CIT: variants seen among roughly 807,000 people sequenced by gnomAD.
CIT encodes citron Rho-interacting kinase.
A neutral mutation model predicts 272.7 loss-of-function variants in CIT; 79 were observed. The observed-to-expected ratio is 0.29, with a 90% confidence interval of 0.24 to 0.35. CIT has a LOEUF of 0.35. Ranked by LOEUF, CIT falls within the 10% of genes least tolerant of loss-of-function variation. The pLI is 1.00. For synonymous variants in CIT, 948 were observed against 995.6 expected (o/e 0.95, Z 0.90); for missense variants, 1,909 against 2,618.3 (o/e 0.73, Z 5.91).
chr12:119,738,703 G>A (rs1958909242), intron 24 of CIT, among the ~76,000 whole-genome samples: 1 of 152,020 alleles, frequency 6.6e-6, no homozygotes, highest in Non-Finnish European at 1.5e-5. Flanking sequence ...GACCAACATG[G>A]AGAAATCCCG....
chr12:119,804,542 A>G lies in CIT; in HGVS notation c.1112-1153T>C. The G allele has an allele frequency of 1.0e-6, 1 of 960,558 alleles. No homozygotes were observed. The highest frequency in any genetic ancestry group is 1.2e-6 in the Non-Finnish European group (1 of 807,186). 59.5% of individuals were successfully genotyped at this position (960,558 alleles called of 1,614,324 possible). A position where few individuals can be genotyped will look rare whatever the true frequency, so the allele number is the denominator to read the frequency against. ...GCCAGGGCTCGCTAGAGCTCCCCCTAGGACAGTTGTCACAGCCCTTCACAG... is the reference window on the plus strand; with the variant it reads ...GCCAGGGCTCGCTAGAGCTCCCCCTGGGACAGTTGTCACAGCCCTTCACAG... On this transcript the variant is annotated intron_variant, in intron 9 of 47. Transcript: ENST00000392521. This position sits in a 1 kb window ranked among gnomAD's most constrained non-coding sequence, Gnocchi z 5.3.
chr12:119,869,863 G>A (rs749548128), intron 2 of CIT, among the ~76,000 whole-genome samples: 1 of 152,188 alleles, frequency 6.6e-6, no homozygotes, highest in African/African-American at 2.4e-5. Context: ...CGGCAACACT[G>A]CCTCGCCTTC....
intron 9 of CIT, among the ~76,000 whole-genome samples, chr12:119,817,355 C>T (rs1014241832): frequency 2.0e-5 from 3 of 151,898 alleles, no homozygotes; most frequent in Non-Finnish European, 4.4e-5. Flanking sequence ...ACTAAAAATA[C>T]AAAAAAATTA....
At chr12:119,842,848 T>C (rs10774517) in intron 5 of CIT, among the ~76,000 whole-genome samples, 29,113 of 152,202 alleles carry the variant, frequency 0.19, 3,189 homozygotes, top group East Asian at 0.44. Flanking sequence ...ATAAGTAAAT[T>C]TGAATGCACA....
intron 15 of CIT, 97 bp from the exon 16 acceptor site, chr12:119,775,936 G>T: frequency 2.0e-6 from 2 of 979,732 alleles, no homozygotes; most frequent in Non-Finnish European, 3.1e-6. Flanking sequence ...TTTCTATGGG[G>T]TCTTTTTCTT....
chr12:119,726,226 A>G (rs1043105923), intron 28 of CIT, among the ~76,000 whole-genome samples: 5 of 151,286 alleles, frequency 3.3e-5, no homozygotes, highest in Non-Finnish European at 7.4e-5. Flanking sequence ...TTAATTTTTA[A>G]TTTTTATTTT....
chr12:119,717,508 C>A (rs1160036402), intron 32 of CIT, among the ~76,000 whole-genome samples: 2 of 149,136 alleles, frequency 1.3e-5, no homozygotes, highest in African/African-American at 2.5e-5. Flanking sequence ...GCAACCTCCA[C>A]CTCCTGGGTT....
intron 10 of CIT, among the ~76,000 whole-genome samples, chr12:119,788,293 T>C (rs1040980809): frequency 6.6e-6 from 1 of 152,226 alleles, no homozygotes; most frequent in Non-Finnish European, 1.5e-5. Context: ...GGCATGGCCT[T>C]GAGCAAAATT....
intron 2 of CIT, among the ~76,000 whole-genome samples, chr12:119,870,410 C>T (rs952394881): frequency 1.3e-5 from 2 of 151,778 alleles, no homozygotes; most frequent in African/African-American, 4.8e-5. Flanking sequence ...ATTAGCCAGG[C>T]GTGGTGGTAG....
chr12:119,783,169 A>G (rs1035772009), intron 12 of CIT: 1 of 152,360 alleles, frequency 6.6e-6, no homozygotes, highest in Non-Finnish European at 1.5e-5. Flanking sequence ...ACTGAAATCT[A>G]TATCTGAAAT....
At position 119,688,111 on chromosome 12, in the gene CIT, C is replaced by A. The variant is rs1470100001; in HGVS notation, c.*121G>T. 7 of 1,084,716 alleles carry A rather than the reference C, an allele frequency of 6.5e-6. No individual in the cohort carries two copies. The highest frequency in any genetic ancestry group is 2.4e-5 in the East Asian group (1 of 42,182). The allele number at this position is 1,084,716 out of a possible 1,614,324, so 67.2% of individuals were successfully genotyped here. ...GTGTCCGTGCCGAGGTGGGTCTGGG[C>A]CCCGCTGAGCCAGAGGGTGGCTGAG... On this transcript the variant is annotated 3_prime_UTR_variant, in exon 48 of 48. Transcript: ENST00000392521.
intron 7 of CIT, among the ~76,000 whole-genome samples, chr12:119,832,109 G>C (rs1968680251): frequency 6.6e-6 from 1 of 152,160 alleles, no homozygotes; most frequent in South Asian, 2.1e-4. Context: ...TTTTCTCTTA[G>C]ACCTATCCTT....
chr12:119,773,253 G>C (rs1048583513), intron 16 of CIT, among the ~76,000 whole-genome samples: 1 of 151,976 alleles, frequency 6.6e-6, no homozygotes, highest in Non-Finnish European at 1.5e-5. Flanking sequence ...TCTTCGATTC[G>C]ATGCAACGTA....
At chr12:119,749,540 CAGCCTTGA>C (rs1959927874) in intron 23 of CIT, among the ~76,000 whole-genome samples, 1 of 152,186 alleles carries the variant, frequency 6.6e-6, no homozygotes, top group Admixed American at 6.5e-5. Context: ...GAAAAGCCCA[CAGCCTTGA>C]AACTGAATGG....
chr12:119,734,072 C>T (rs775864639), intron 26 of CIT, 92 bp downstream of exon 26: 20 of 1,342,794 alleles, frequency 1.5e-5, no homozygotes, highest in East Asian at 4.9e-5. Flanking sequence ...TTCTCAGTCT[C>T]GGCGGGAATA....
At chr12:119,705,819 G>C (rs979692571) in intron 40 of CIT, among the ~76,000 whole-genome samples, 2 of 147,044 alleles carry the variant, frequency 1.4e-5, no homozygotes, top group Admixed American at 1.4e-4. Context: ...GCCAGGTGCA[G>C]TGGCTCATGC....
chr12:119,769,997 C>T (rs1245322345), intron 18 of CIT, among the ~76,000 whole-genome samples: 1 of 149,726 alleles, frequency 6.7e-6, no homozygotes, highest in African/African-American at 2.5e-5. Flanking sequence ...ACTTCAGAGA[C>T]TCTCTCCCAG....
intron 32 of CIT, among the ~76,000 whole-genome samples, chr12:119,717,490 G>C (rs1342004578): frequency 7.2e-6 from 1 of 138,032 alleles, no homozygotes. Context: ...GGGTGATCTC[G>C]GCTCACTGCA....
chr12:119,716,286 G>T (rs921634711), intron 32 of CIT, among the ~76,000 whole-genome samples: 6 of 143,684 alleles, frequency 4.2e-5, no homozygotes, highest in African/African-American at 1.5e-4. Context: ...GCTGAGGCAT[G>T]AGAATCGCTT....
Sources: allele counts gnomAD v4.1 joint callset (sites outside exome capture counted in the v4.1 genomes callset), GRCh38; gene constraint gnomAD v4.1.1; non-coding constraint Gnocchi (gnomAD v3.1); transcripts MANE v1.5; gene names NCBI Gene and HGNC (gene_info 2026-07-23, HGNC 2026-07-21).